The following RASAL2 variants were observed in gnomAD, a reference collection of about 807,000 sequenced individuals.
RASAL2 encodes RAS protein activator like 2, also known as ras GTPase-activating protein nGAP.
In RASAL2, 58 loss-of-function variants were observed where a neutral mutation model predicts 128.9. The observed-to-expected ratio is 0.45, with a 90% CI of 0.36 to 0.56. RASAL2 has a LOEUF of 0.56. RASAL2 is among the 20% of genes least tolerant of loss of function. RASAL2 has a pLI of 0.00. For missense variants in RASAL2, 1,360 were observed against 1,601.6 expected (o/e 0.85, Z 2.57); for synonymous variants, 561 against 580.8 (o/e 0.97, Z 0.49).
chr1:178,137,232 A>G (rs556114068), intron 1 of RASAL2, among the ~76,000 whole-genome samples: 48 of 152,346 alleles, frequency 3.2e-4, no homozygotes, highest in African/African-American at 1.1e-3. Context: ...GCCAGAGAAT[A>G]AACTTGGGTA....
At chr1:178,250,617 G>A (rs1176263667) in intron 1 of RASAL2, among the ~76,000 whole-genome samples, 1 of 152,158 alleles carries the variant, frequency 6.6e-6, no homozygotes, top group African/African-American at 2.4e-5. Context: ...GCGCCACTCA[G>A]TTGGAAATGC....
At chr1:178,354,505 C>T (rs1186791347) in intron 3 of RASAL2, among the ~76,000 whole-genome samples, 2 of 152,144 alleles carry the variant, frequency 1.3e-5, no homozygotes, top group South Asian at 4.1e-4. Flanking sequence ...GTAATCAATA[C>T]AGTAAGGTCT....
chr1:178,433,764 T>A lies in RASAL2; in HGVS notation c.675-5658T>A, dbSNP rs1384318311. On this transcript the variant is annotated intron_variant, in intron 5 of 17. Coordinates refer to ENST00000367649, the MANE Select transcript of RASAL2 (RefSeq NM_170692.4). The stretch of plus-strand genomic sequence containing the variant: ...CCCGTCTCTACTAAAAATACAAAAA[T>A]TAACTGGGAGTGGTTGGTGGTACAC... Among the ~76,000 whole-genome samples, 6 of 152,042 alleles carry A rather than the reference T, an allele frequency of 3.9e-5. No homozygotes were observed. The East Asian group carries it at 1.2e-3, about 30-fold the overall frequency.
chr1:178,296,176 C>CAT lies in RASAL2; in HGVS notation c.331-3802_331-3801dup, dbSNP rs1337900123. Among the ~76,000 whole-genome samples the CAT allele has an allele frequency of 1.2e-3, 169 of 140,682 alleles. 2 individuals are homozygous for CAT. Among genetic ancestry groups the CAT allele is most frequent in the South Asian group, 7.5e-3 (34 of 4,526 alleles). The allele number at this position is 140,682 out of a possible 152,430, so 92.3% of individuals were successfully genotyped here. ...GTGTATATATATGTGTGTGTGTGTGCATATATATATATATAAATATGTGCC... is the reference window on the plus strand; with the variant it reads ...GTGTATATATATGTGTGTGTGTGTGCATATATATATATATATAAATATGTGCC... On this transcript the variant is annotated intron_variant, in intron 2 of 17. Coordinates refer to ENST00000367649, the MANE Select transcript of RASAL2 (RefSeq NM_170692.4).
intron 3 of RASAL2, among the ~76,000 whole-genome samples, chr1:178,380,673 A>C (rs947523475): frequency 1.3e-5 from 2 of 152,184 alleles, no homozygotes; most frequent in African/African-American, 4.8e-5. Context: ...ATTCTATCTT[A>C]ATAATCCCTG....
intron 3 of RASAL2, among the ~76,000 whole-genome samples, chr1:178,383,225 A>G (rs1485547688): frequency 1.3e-5 from 2 of 152,290 alleles, no homozygotes; most frequent in Middle Eastern, 6.8e-3. Flanking sequence ...GGGGCATGCA[A>G]ACTTGAAAGG....
chr1:178,324,952 C>T (rs1370476549), intron 3 of RASAL2, among the ~76,000 whole-genome samples: 1 of 152,156 alleles, frequency 6.6e-6, no homozygotes, highest in East Asian at 1.9e-4. Context: ...CAATGCTTAA[C>T]CAAGAAAGCT....
At chr1:178,282,828 G>A (rs1418106829) in intron 1 of RASAL2, among the ~76,000 whole-genome samples, 1 of 152,020 alleles carries the variant, frequency 6.6e-6, no homozygotes, top group Non-Finnish European at 1.5e-5. Context: ...ATTAAAATAT[G>A]TGCCCAGTTC....
At chr1:178,438,144 G>GT (rs57340266) in intron 5 of RASAL2, among the ~76,000 whole-genome samples, 34 of 144,592 alleles carry the variant, frequency 2.4e-4, no homozygotes, top group Non-Finnish European at 3.5e-4. Context: ...GTGTGTGTGT[G>GT]GAAAGAAGAA....
At chr1:178,360,119 A>G (rs1571924586) in intron 3 of RASAL2, among the ~76,000 whole-genome samples, 2 of 152,112 alleles carry the variant, frequency 1.3e-5, no homozygotes, top group East Asian at 3.9e-4. Context: ...AAGTTAATTT[A>G]ATCTACTTGA....
chr1:178,166,875 A>G (rs907892799), intron 1 of RASAL2, among the ~76,000 whole-genome samples: 3 of 152,036 alleles, frequency 2.0e-5, no homozygotes, highest in Non-Finnish European at 4.4e-5. Context: ...TATAGTTTTA[A>G]AAGTCCCCTG....
intron 4 of RASAL2, among the ~76,000 whole-genome samples, chr1:178,396,497 T>A (rs1001954942): frequency 6.6e-6 from 1 of 152,094 alleles, no homozygotes; most frequent in Non-Finnish European, 1.5e-5. Context: ...AAGCCAGAGA[T>A]GTAGAAAAGA....
At chr1:178,149,991 A>G (rs779092190) in intron 1 of RASAL2, among the ~76,000 whole-genome samples, 1 of 152,126 alleles carries the variant, frequency 6.6e-6, no homozygotes, top group Non-Finnish European at 1.5e-5. Context: ...TAGATGGTTC[A>G]ACTTCTACTT....
intron 3 of RASAL2, among the ~76,000 whole-genome samples, chr1:178,366,796 T>A (rs1004017453): frequency 1.4e-4 from 21 of 152,226 alleles, no homozygotes; most frequent in African/African-American, 4.8e-4. Flanking sequence ...TGGATGAACC[T>A]AAGTAAAAGA....
At position 178,282,695 on chromosome 1, in the gene RASAL2, G is replaced by A. The variant is rs59178874; in HGVS notation, c.203-869G>A. On this transcript the variant is annotated intron_variant, in intron 1 of 17. Transcript: ENST00000367649. ...AGCATAATAACTAAGTAATGATAAT[G>A]CATGTTAAGTAGTCTCTATAGTATA... Among the ~76,000 whole-genome samples, 857 of 152,206 alleles carry A rather than the reference G, an allele frequency of 5.6e-3. 11 individuals are homozygous for A. Among genetic ancestry groups the A allele is most frequent in the African/African-American group, 0.019 (803 of 41,534 alleles).
intron 1 of RASAL2, among the ~76,000 whole-genome samples, chr1:178,166,474 G>C (rs1031045688): frequency 3.3e-5 from 5 of 152,088 alleles, no homozygotes; most frequent in Non-Finnish European, 5.9e-5. Flanking sequence ...TGATTAAAAA[G>C]AACATCTTTT....
intron 1 of RASAL2, among the ~76,000 whole-genome samples, chr1:178,125,656 G>T (rs1010188984): frequency 2.0e-5 from 3 of 152,174 alleles, no homozygotes; most frequent in African/African-American, 7.2e-5. Context: ...CAAGGCTTCT[G>T]CTTTCTCACA....
intron 3 of RASAL2, among the ~76,000 whole-genome samples, chr1:178,365,720 A>G (rs144576527): frequency 2.9e-4 from 44 of 152,036 alleles, no homozygotes; most frequent in African/African-American, 1.1e-3. Context: ...TGATCCACCC[A>G]CCTCAGCCTC....
intron 1 of RASAL2, among the ~76,000 whole-genome samples, chr1:178,267,424 G>A (rs1369053651): frequency 1.4e-5 from 2 of 147,918 alleles, no homozygotes; most frequent in Non-Finnish European, 3.0e-5. Context: ...TTCAATGTTT[G>A]TATTATTATG....
Sources: gnomAD v4.1 joint callset for allele counts (sites outside exome capture counted in the v4.1 genomes callset) on GRCh38, gnomAD v4.1.1 for gene constraint, MANE v1.5 for transcripts, NCBI Gene and HGNC (gene_info 2026-07-23, HGNC 2026-07-21) for gene names.